The following SPATA13 variants were observed in gnomAD, a reference collection of about 807,000 sequenced individuals.
SPATA13 encodes the protein spermatogenesis-associated protein 13.
SPATA13 carries 50 observed loss-of-function variants against 104.0 expected under a neutral mutation model. The ratio of observed to expected loss-of-function variants is 0.48; its 90% CI spans 0.38 to 0.61. The LOEUF is 0.61. Ranked by LOEUF, SPATA13 falls within the 20% of genes least tolerant of loss-of-function variation. SPATA13 has a pLI of 0.00. For missense variants in SPATA13, 1,524 were observed against 1,690.6 expected, an observed-to-expected ratio of 0.90 and a Z score of 1.73; for synonymous variants, 606 against 667.5, an observed-to-expected ratio of 0.91 and a Z score of 1.42.
At chr13:24,000,829 G>C (rs1284234632) in intron 2 of SPATA13, among the ~76,000 whole-genome samples, 2 of 151,886 alleles carry the variant, frequency 1.3e-5, no homozygotes, top group Non-Finnish European at 2.9e-5. Flanking sequence ...AACCCTGGGT[G>C]AGAGGTGTGA....
At chr13:24,237,472 C>T (rs1468074558) in intron 2 of SPATA13, among the ~76,000 whole-genome samples, 1 of 152,174 alleles carries the variant, frequency 6.6e-6, no homozygotes, top group Non-Finnish European at 1.5e-5. Flanking sequence ...TGATTCCACT[C>T]ACATGAGATC....
At chr13:24,184,176 T>G (rs1007081726) in intron 1 of SPATA13, among the ~76,000 whole-genome samples, 2 of 152,212 alleles carry the variant, frequency 1.3e-5, no homozygotes, top group Non-Finnish European at 2.9e-5. Flanking sequence ...GGGTACCTGG[T>G]GCTGGCGCTT....
intron 1 of SPATA13, among the ~76,000 whole-genome samples, chr13:24,211,712 T>C (rs1042046192): frequency 1.3e-5 from 2 of 152,090 alleles, no homozygotes; most frequent in African/African-American, 4.8e-5. Flanking sequence ...CGGCCAGGAT[T>C]ATCTCATCCG....
intron 3 of SPATA13, among the ~76,000 whole-genome samples, chr13:24,028,977 G>A (rs1877356021): frequency 6.6e-6 from 1 of 151,934 alleles, no homozygotes; most frequent in African/African-American, 2.4e-5. Context: ...GTCCTGGTGA[G>A]CCTGGGCCAG....
chr13:23,985,368 C>A (rs1450038331), intron 2 of SPATA13, among the ~76,000 whole-genome samples: 2 of 152,250 alleles, frequency 1.3e-5, no homozygotes, highest in African/African-American at 2.4e-5. Context: ...CGTGGCCACC[C>A]CAGGAACGGC....
chr13:24,242,263 A>T (rs1037974663), intron 2 of SPATA13, among the ~76,000 whole-genome samples: 1 of 152,178 alleles, frequency 6.6e-6, no homozygotes, highest in African/African-American at 2.4e-5. Flanking sequence ...GAACCAACAC[A>T]GAAGAGTCCA....
rs565364576 is a variant in SPATA13, at chr13:24,127,545, A to T, written c.-111-95274A>T. On this transcript the variant is annotated intron_variant, in intron 3 of 14. Transcript: ENST00000424834. ...ATAGAGTGAACCAAGGAGACAGAAG[A>T]TCTCCAGCACAGCAAGAGCTCAAGA... is the stretch of plus-strand genomic sequence containing the variant. Among the ~76,000 whole-genome samples, 3 of 152,346 alleles carry T rather than the reference A, an allele frequency of 2.0e-5. No homozygotes were observed. The East Asian group carries it at 5.8e-4, about 29-fold the overall frequency.
In SPATA13 at chr13:23,993,733, G is replaced by T. The variant is rs78336345; in HGVS notation, c.-147+9800G>T. ...AGAGGGAGAGGAAGCATCCAGGCTT[G>T]CTTTTTAAGGGGATCTCTAGGTACT... On this transcript the variant is annotated intron_variant, in intron 2 of 14. Coordinates refer to the SPATA13 transcript ENST00000424834. Among the ~76,000 whole-genome samples the T allele has an allele frequency of 6.7e-4, 102 of 152,320 alleles. No homozygotes were observed. The East Asian group carries it at 0.019, about 28-fold the overall frequency.
intron 3 of SPATA13, among the ~76,000 whole-genome samples, chr13:24,064,567 C>T (rs1190041661): frequency 7.9e-5 from 12 of 152,100 alleles, no homozygotes; most frequent in Non-Finnish European, 5.9e-5. Flanking sequence ...CATGTGAGAA[C>T]ATAGCAAGAA....
chr13:24,073,432 CAT>C (rs1369321462), intron 3 of SPATA13, among the ~76,000 whole-genome samples: 1 of 152,184 alleles, frequency 6.6e-6, no homozygotes, highest in East Asian at 1.9e-4. Context: ...ACCTATCTGT[CAT>C]ATGTTAGAAA....
chr13:24,114,060 T>G (rs1435408688), intron 3 of SPATA13, among the ~76,000 whole-genome samples: 2 of 152,152 alleles, frequency 1.3e-5, no homozygotes, highest in Non-Finnish European at 2.9e-5. Context: ...GTAATTCAGT[T>G]TCTTATTAGT....
intron 1 of SPATA13, among the ~76,000 whole-genome samples, chr13:23,980,411 T>G (rs1195040362): frequency 6.6e-6 from 1 of 152,218 alleles, no homozygotes; most frequent in East Asian, 1.9e-4. Flanking sequence ...GCCCCCACTC[T>G]GATGCTTCGT....
At position 24,251,700 on chromosome 13, in the gene SPATA13, T is replaced by C. The variant is rs1467171506; in HGVS notation, c.2020-18T>C. 1.6e-5 allele frequency: 26 copies of C among 1,612,756 alleles called. No homozygotes were observed. Among genetic ancestry groups the C allele is most frequent in the Non-Finnish European group, 2.2e-5 (26 of 1,179,138 alleles). On this transcript the variant is annotated intron_variant, in intron 3 of 12. Coordinates refer to ENST00000382108, the MANE Select transcript of SPATA13 (RefSeq NM_001166271.3). ...CACTTCCTGGTACCTCCTCACAGAT[T>C]TTGCTTTCTTTTTGCAGCCGGCTTC...
rs57437676 is a variant in SPATA13 at position 24,191,501 on chromosome 13, C to CT, written c.-112+30595dup. On this transcript the variant is annotated intron_variant, in intron 1 of 12. Transcript: ENST00000382108. ...CCTCTTTCTCACTATACATTGCTTT[C>CT]TTTTTTTTTTTTTTTTTTTTTTTTT... Among the ~76,000 whole-genome samples the CT allele has an allele frequency of 7.4e-4, 50 of 67,484 alleles. 4 individuals carry two copies. The highest frequency in any genetic ancestry group is 1.9e-3 in the African/African-American group (38 of 20,372). 44.3% of individuals were successfully genotyped at this position (67,484 alleles called of 152,430 possible). A position where few individuals can be genotyped will look rare whatever the true frequency, so the allele number is the denominator to read the frequency against.
At chr13:24,007,916 A>G (rs1193601854) in intron 2 of SPATA13, among the ~76,000 whole-genome samples, 1 of 152,262 alleles carries the variant, frequency 6.6e-6, no homozygotes, top group East Asian at 1.9e-4. Context: ...TGCACATGCC[A>G]CCCCAAGAAA....
At chr13:24,279,302 G>C (rs1875306962) in intron 4 of SPATA13, among the ~76,000 whole-genome samples, 1 of 152,186 alleles carries the variant, frequency 6.6e-6, no homozygotes. Flanking sequence ...GCAGCCAAGA[G>C]CCCATTGGTT....
rs1423914627 is a variant in SPATA13 at position 24,167,266 on chromosome 13, G to T, written c.-112+6334G>T. Among the ~76,000 whole-genome samples, 2 of 152,186 alleles carry T rather than the reference G, an allele frequency of 1.3e-5. 1 individual carries two copies. ...TGATGGTTCTGTGATAGGAGGAGGT[G>T]GTGGTGGCACCACGTCTGTTGTGTA... On this transcript the variant is annotated intron_variant, in intron 1 of 12. Transcript: ENST00000382108.
At chr13:24,049,318 C>T (rs1031676933) in intron 3 of SPATA13, among the ~76,000 whole-genome samples, 1 of 152,206 alleles carries the variant, frequency 6.6e-6, no homozygotes, top group African/African-American at 2.4e-5. Flanking sequence ...TGTTTAGATG[C>T]ACGAATACTT....
At chr13:24,039,333 T>A (rs148447815) in intron 3 of SPATA13, among the ~76,000 whole-genome samples, 21 of 152,340 alleles carry the variant, frequency 1.4e-4, no homozygotes, top group African/African-American at 4.8e-4. Context: ...TTGCAGACTT[T>A]CGTGGCAGGA....
Sources: allele counts gnomAD v4.1 joint callset (sites outside exome capture counted in the v4.1 genomes callset), GRCh38; gene constraint gnomAD v4.1.1; transcripts MANE v1.5; gene names NCBI Gene and HGNC (gene_info 2026-07-23, HGNC 2026-07-21).